PPM1L: variants seen among roughly 807,000 people sequenced by gnomAD.
The protein encoded by PPM1L is protein phosphatase 1L.
In PPM1L, 13 loss-of-function variants were observed where a neutral mutation model predicts 31.4. The ratio of observed to expected loss-of-function variants is 0.41; its 90% CI spans 0.27 to 0.66. PPM1L has a LOEUF of 0.66. PPM1L is among the 30% of genes least tolerant of loss of function. The pLI, the probability that PPM1L is intolerant of heterozygous loss-of-function variation, is 0.29. For missense variants in PPM1L, 326 were observed against 453.7 expected (o/e 0.72, Z 2.56); for synonymous variants, 184 against 175.4 (o/e 1.05, Z -0.39).
intron 1 of PPM1L, among the ~76,000 whole-genome samples, chr3:160,767,997 A>G (rs1232340681): frequency 6.6e-6 from 1 of 152,190 alleles, no homozygotes; most frequent in African/African-American, 2.4e-5. Context: ...AGAAATTGAG[A>G]CATGGTGGGA....
intron 2 of PPM1L, among the ~76,000 whole-genome samples, chr3:160,983,851 C>T (rs1373488566): frequency 1.3e-5 from 2 of 152,134 alleles, no homozygotes; most frequent in African/African-American, 4.8e-5. Flanking sequence ...TCCATGATGT[C>T]CCCCAAGCCA....
intron 1 of PPM1L, among the ~76,000 whole-genome samples, chr3:160,858,844 G>C (rs944360732): frequency 1.8e-4 from 28 of 152,128 alleles, no homozygotes; most frequent in Non-Finnish European, 3.5e-4. Context: ...TATTATGGTA[G>C]ACACTTGTTT....
chr3:161,037,134 T>G (rs1559932744), intron 2 of PPM1L, among the ~76,000 whole-genome samples: 2 of 152,194 alleles, frequency 1.3e-5, no homozygotes, highest in Non-Finnish European at 2.9e-5. Flanking sequence ...CTTCTCCCTT[T>G]GAGTGCAGGG....
At chr3:160,916,486 T>G (rs1163044456) in intron 1 of PPM1L, among the ~76,000 whole-genome samples, 3 of 152,154 alleles carry the variant, frequency 2.0e-5, no homozygotes, top group African/African-American at 7.2e-5. Context: ...ATGTAACACA[T>G]CTGCTATGAT....
intron 1 of PPM1L, among the ~76,000 whole-genome samples, chr3:160,776,412 T>C (rs1366849998): frequency 6.6e-6 from 1 of 152,198 alleles, no homozygotes; most frequent in African/African-American, 2.4e-5. Flanking sequence ...AAATATGATG[T>C]TCCCTTAATG....
At chr3:160,811,325 G>A (rs1186760683) in intron 1 of PPM1L, among the ~76,000 whole-genome samples, 1 of 152,224 alleles carries the variant, frequency 6.6e-6, no homozygotes, top group African/African-American at 2.4e-5. Context: ...TGAGTAATCA[G>A]CACTACAGTC....
intron 2 of PPM1L, among the ~76,000 whole-genome samples, chr3:161,005,109 C>T (rs1461454794): frequency 1.3e-5 from 2 of 152,054 alleles, no homozygotes; most frequent in Non-Finnish European, 2.9e-5. Context: ...TATGTTGTGT[C>T]TTTGTTCTCA....
chr3:161,043,376 T>G (rs1164055250), intron 2 of PPM1L, among the ~76,000 whole-genome samples: 1 of 152,220 alleles, frequency 6.6e-6, no homozygotes. Flanking sequence ...CTCCTCATTT[T>G]TAACTGACCT....
intron 2 of PPM1L, among the ~76,000 whole-genome samples, chr3:160,995,968 A>C (rs1559917638): frequency 6.6e-6 from 1 of 152,358 alleles, no homozygotes; most frequent in East Asian, 1.9e-4. Flanking sequence ...TTAACCAAGA[A>C]GTGGGCTAAG....
intron 1 of PPM1L, among the ~76,000 whole-genome samples, chr3:160,775,084 T>A (rs1242373069): frequency 6.6e-6 from 1 of 152,222 alleles, no homozygotes; most frequent in African/African-American, 2.4e-5. Flanking sequence ...GTACTTTTAG[T>A]GGTGTTCTCT....
intron 1 of PPM1L, among the ~76,000 whole-genome samples, chr3:160,956,038 T>C (rs1275205618): frequency 2.0e-5 from 3 of 152,200 alleles, no homozygotes; most frequent in Non-Finnish European, 4.4e-5. Flanking sequence ...TTCTTTAATA[T>C]GTATTAGTTC....
chr3:160,770,374 T>G (rs532962279), intron 1 of PPM1L, among the ~76,000 whole-genome samples: 1 of 152,314 alleles, frequency 6.6e-6, no homozygotes, highest in East Asian at 1.9e-4. Flanking sequence ...AATGTAAAAA[T>G]GCCTTCAGTT....
Position 161,076,803 on chromosome 3 carries a change from C to A in PPM1L, c.*7646C>A, listed in dbSNP as rs2108120343. On this transcript the variant is annotated 3_prime_UTR_variant, in exon 4 of 4. Transcript: ENST00000498165. ...TTAAACAGTTCATTCCAAAAGACCC[C>A]AATGTAAACTCTGCTCACATACATA... 1 of 152,162 alleles carries A rather than the reference C, an allele frequency of 6.6e-6. No homozygotes were observed. Among genetic ancestry groups the A allele is most frequent in the Admixed American group, 6.5e-5 (1 of 15,276 alleles). The allele number at this position is 152,162 out of a possible 1,614,324, so 9.4% of individuals were successfully genotyped here.
At chr3:160,889,959 G>A (rs1713075739) in intron 1 of PPM1L, among the ~76,000 whole-genome samples, 2 of 152,126 alleles carry the variant, frequency 1.3e-5, no homozygotes, top group South Asian at 4.1e-4. Context: ...ATCCTTTCAT[G>A]TTAAAAACTC....
chr3:160,845,219 A>G (rs1374109337), intron 1 of PPM1L, among the ~76,000 whole-genome samples: 6 of 152,100 alleles, frequency 3.9e-5, no homozygotes, highest in Admixed American at 3.3e-4. Context: ...ACATTTGTGT[A>G]CAATATGTGT....
intron 2 of PPM1L, among the ~76,000 whole-genome samples, chr3:161,042,349 C>T (rs752317110): frequency 2.0e-5 from 3 of 152,202 alleles, no homozygotes; most frequent in African/African-American, 7.2e-5. Flanking sequence ...CTTCAGCCAC[C>T]AGCCTAGCAA....
intron 1 of PPM1L, among the ~76,000 whole-genome samples, chr3:160,835,177 G>A (rs1485819876): frequency 8.4e-6 from 1 of 118,506 alleles, no homozygotes; most frequent in East Asian, 2.5e-4. Flanking sequence ...TTTCAGAATG[G>A]GGTTTTGAGT....
chr3:160,825,142 T>C (rs1027008315), intron 1 of PPM1L, among the ~76,000 whole-genome samples: 4 of 149,408 alleles, frequency 2.7e-5, no homozygotes, highest in African/African-American at 1.0e-4. Context: ...TGACACATCT[T>C]TTTAGAAAGG....
intron 1 of PPM1L, among the ~76,000 whole-genome samples, chr3:160,820,025 A>T (rs12637922): frequency 0.55 from 83,017 of 151,832 alleles, 26,125 homozygotes; most frequent in African/African-American, 0.87. Context: ...TTGACATCAT[A>T]TTTTAAGCCA....
Sources: gnomAD v4.1 joint callset for allele counts (sites outside exome capture counted in the v4.1 genomes callset) on GRCh38, gnomAD v4.1.1 for gene constraint, MANE v1.5 for transcripts, NCBI Gene and HGNC (gene_info 2026-07-23, HGNC 2026-07-21) for gene names.